The following SYNM variants were observed in gnomAD, a reference collection of about 807,000 sequenced individuals.
SYNM encodes synemin.
Under a neutral mutation model 104.0 loss-of-function variants are expected in SYNM, and 95 were observed. The ratio of observed to expected loss-of-function variants is 0.91; its 90% CI spans 0.77 to 1.08. The LOEUF is 1.08. Ranked by LOEUF, SYNM falls within the 50% of genes least tolerant of loss-of-function variation. The pLI is 0.00. For synonymous variants in SYNM, 918 were observed against 869.0 expected (o/e 1.06, Z -0.99); for missense variants, 2,150 against 2,052.2 (o/e 1.05, Z -0.92).
In SYNM at chr15:99,116,730, C is replaced by T. The variant is rs565445861; in HGVS notation, c.935+3015C>T. ...TCACCCAGGCTGGAGTGTGGTGGTG[C>T]GATCTTGGCTCACTGCAACCTCTAC... On this transcript the variant is annotated intron_variant, in intron 2 of 3. Transcript: ENST00000336292. Among the ~76,000 whole-genome samples the T allele has an allele frequency of 1.4e-4, 20 of 142,600 alleles. 3 individuals are homozygous for T. The highest frequency in any genetic ancestry group is 4.5e-4 in the African/African-American group (18 of 40,098). The allele number at this position is 142,600 out of a possible 152,430, so 93.6% of individuals were successfully genotyped here. A position where few individuals can be genotyped will look rare whatever the true frequency, so the allele number is the denominator to read the frequency against.
chr15:99,127,819 T>C (rs1208111098), intron 3 of SYNM, among the ~76,000 whole-genome samples: 3 of 152,208 alleles, frequency 2.0e-5, no homozygotes, highest in African/African-American at 7.2e-5. Flanking sequence ...TTTTAACCTG[T>C]GGATACCTAA....
chr15:99,120,548 C>T (rs2067390671), intron 2 of SYNM, among the ~76,000 whole-genome samples: 1 of 152,150 alleles, frequency 6.6e-6, no homozygotes, highest in Admixed American at 6.5e-5. Flanking sequence ...TGCCCTCAGC[C>T]TTCTCTGGAG....
chr15:99,129,491 C>G lies in SYNM; in HGVS notation c.1131C>G (p.Asn377Lys), dbSNP rs782400600. Residue 377 changes from asparagine (N) to lysine (K), a missense_variant, in exon 4 of 4, where the codon AAC becomes AAG. By Grantham distance (94) the Asn-to-Lys change is moderately conservative. Coordinates refer to ENST00000336292, the MANE Select transcript of SYNM (RefSeq NM_145728.3). ...SFNHSSALYS[N>K]LSGHRGSQTG... is the part of the protein sequence containing the mutation. ...ATCACAGCTCGGCACTGTATTCTAA[C>G]CTGTCAGGGCACCGTGGATCTCAGA... The G allele has an allele frequency of 1.2e-6, 2 of 1,613,880 alleles. No homozygotes were observed. The highest frequency in any genetic ancestry group is 1.7e-6 in the Non-Finnish European group (2 of 1,179,914).
intron 3 of SYNM, among the ~76,000 whole-genome samples, chr15:99,128,056 G>T (rs2067463805): frequency 6.6e-6 from 1 of 151,584 alleles, no homozygotes; most frequent in Non-Finnish European, 1.5e-5. Context: ...CTTCTTGAAG[G>T]AAATAGAGAC....
downstream of SYNM, chr15:99,137,738 G>T: frequency 2.2e-6 from 1 of 449,026 alleles, no homozygotes; most frequent in Non-Finnish European, 4.0e-6. Context: ...TTCAGCCACA[G>T]TAGTGCTGAT....
intron 2 of SYNM, among the ~76,000 whole-genome samples, chr15:99,121,770 A>G (rs1194831655): frequency 6.6e-6 from 1 of 152,246 alleles, no homozygotes; most frequent in Non-Finnish European, 1.5e-5. Context: ...AAGATACTCA[A>G]TATTGAAACA....
intron 1 of SYNM, 123 bp from the exon 2 acceptor site, chr15:99,113,468 T>G: frequency 8.1e-7 from 1 of 1,231,614 alleles, no homozygotes; most frequent in Non-Finnish European, 1.1e-6. Context: ...TAACGCCGGG[T>G]GTTTTTCTGG....
In SYNM at chr15:99,130,216, G is replaced by A; in HGVS notation, c.1856G>A (p.Arg619Lys). Reference sequence around the variant, plus strand: ...GCAGAAGCAAGAGAGCTACGGTTCAGGTTGGGCACCAGTGATGCCACTGGT... The same window carrying A: ...GCAGAAGCAAGAGAGCTACGGTTCAAGTTGGGCACCAGTGATGCCACTGGT... ...REAEARELRFRLGTSDATGSL... is the reference protein window; with the variant it reads ...REAEARELRFKLGTSDATGSL... The change falls in exon 4 of 4, where the codon AGG becomes AAG. Residue 619 changes from arginine (R) to lysine (K), a missense_variant. Transcript: ENST00000336292. 6.2e-7 allele frequency: 1 copy of A among 1,613,988 alleles called. No individual in the cohort carries two copies. The highest frequency in any genetic ancestry group is 8.5e-7 in the Non-Finnish European group (1 of 1,179,896).
Position 99,105,662 on chromosome 15 carries a change from CTG to C in SYNM, c.464_465del (p.Leu155ProfsTer119). ...DAAHERDVRE[L>X]RARAASLTMH... ...GGCCCACGAACGCGACGTGAGGGAG[CTG>C]CGCGCGCGCGCCGCCAGCCTTACCA... On this transcript the variant is annotated frameshift_variant, in exon 1 of 4. Transcript: ENST00000336292. LOFTEE classifies it high-confidence loss of function. 7.1e-7 allele frequency: 1 copy of C among 1,399,696 alleles called. No homozygotes were observed. The allele number at this position is 1,399,696 out of a possible 1,614,324, so 86.7% of individuals were successfully genotyped here. A position where few individuals can be genotyped will look rare whatever the true frequency, so the allele number is the denominator to read the frequency against.
chr15:99,128,361 A>G (rs1892186727), intron 3 of SYNM, among the ~76,000 whole-genome samples: 1 of 152,216 alleles, frequency 6.6e-6, no homozygotes, highest in African/African-American at 2.4e-5. Flanking sequence ...TGTAAATGAG[A>G]TGGTCCCTGC....
intron 2 of SYNM, among the ~76,000 whole-genome samples, chr15:99,124,421 T>C (rs974099908): frequency 2.4e-4 from 37 of 152,244 alleles, no homozygotes; most frequent in African/African-American, 8.9e-4. Flanking sequence ...TGCTCACAGA[T>C]AGTAAAGGTG....
chr15:99,114,726 T>C (rs1670246), intron 2 of SYNM, among the ~76,000 whole-genome samples: 79,641 of 151,510 alleles, frequency 0.53, 21,161 homozygotes, highest in Middle Eastern at 0.62. Context: ...CCAGTCCCCC[T>C]GGGTGTGGCC....
At position 99,125,660 on chromosome 15, in the gene SYNM, G is replaced by A. The variant is rs186926795; in HGVS notation, c.936-1062G>A. On this transcript the variant is annotated intron_variant, in intron 2 of 3. Transcript: ENST00000336292. The stretch of plus-strand genomic sequence containing the variant: ...GCTGCCAAGTCCCTGCTCGGGTGTG[G>A]GCACCCTGCTCCGTTTTTGTGCCCA... 3.5e-3 allele frequency among the ~76,000 whole-genome samples: 531 copies of A among 152,314 alleles called. 2 individuals are homozygous for A. The highest frequency in any genetic ancestry group is 0.011 in the African/African-American group (470 of 41,582).
At chr15:99,136,105 G>A (rs1340775735), downstream of SYNM, among the ~76,000 whole-genome samples, 1 of 152,194 alleles carries the variant, frequency 6.6e-6, no homozygotes, top group Non-Finnish European at 1.5e-5. Flanking sequence ...TTACCCGTTT[G>A]TAACCTTGTA....
chr15:99,108,783 G>A (rs1037881703), intron 1 of SYNM, among the ~76,000 whole-genome samples: 1 of 152,102 alleles, frequency 6.6e-6, no homozygotes. Context: ...ACTGACCGCT[G>A]GGCGTCCGTT....
At chr15:99,138,795 G>C (rs549730417), downstream of SYNM, among the ~76,000 whole-genome samples, 1 of 152,196 alleles carries the variant, frequency 6.6e-6, no homozygotes. Flanking sequence ...TGTCTGCTCC[G>C]GGCTGTGGCC....
chr15:99,140,411 C>T (rs955626083), downstream of SYNM: 1 of 152,070 alleles, frequency 6.6e-6, no homozygotes, highest in African/African-American at 2.4e-5. Flanking sequence ...CTCTGTCGCC[C>T]AGACTGGAGT....
chr15:99,105,704 C>G lies in SYNM; in HGVS notation c.505C>G (p.Arg169Gly). 3 of 1,488,126 alleles carry G rather than the reference C, an allele frequency of 2.0e-6. No homozygotes were observed. The highest frequency in any genetic ancestry group is 1.8e-6 in the Non-Finnish European group (2 of 1,124,712). 92.2% of individuals were successfully genotyped at this position (1,488,126 alleles called of 1,614,324 possible). ...CAGCCTTACCATGCATTTCCGCGCC[C>G]GCGCCACCGGCCCCGCCGCGCCGCC... ...AASLTMHFRA[R>G]ATGPAAPPPR... The change falls in exon 1 of 4, where the codon CGC becomes GGC. Residue 169 changes from arginine (R) to glycine (G), a missense_variant. By Grantham distance (125) the Arg-to-Gly change is moderately radical. Coordinates refer to ENST00000336292, the MANE Select transcript of SYNM (RefSeq NM_145728.3).
intron 2 of SYNM, among the ~76,000 whole-genome samples, chr15:99,118,617 A>G (rs1188678783): frequency 2.0e-5 from 3 of 152,232 alleles, no homozygotes; most frequent in African/African-American, 7.2e-5. Context: ...ACAGGGAAGG[A>G]GCAACATTAA....
Sources: gnomAD v4.1 joint callset for allele counts (sites outside exome capture counted in the v4.1 genomes callset) on GRCh38, gnomAD v4.1.1 for gene constraint, MANE v1.5 for transcripts, NCBI Gene and HGNC (gene_info 2026-07-23, HGNC 2026-07-21) for gene names.